The following IFT25 variants were observed in gnomAD, a reference collection of about 807,000 sequenced individuals.
IFT25 encodes the protein intraflagellar transport protein 25 homolog.
chr1:53,917,500 G>C, the IFT25 span, among the ~76,000 whole-genome samples: 18 of 152,238 alleles, frequency 1.2e-4, no homozygotes, highest in East Asian at 2.7e-3. Flanking sequence ...ATAACACCCA[G>C]TCTACAAGAA....
the IFT25 span, among the ~76,000 whole-genome samples, chr1:53,923,325 T>C: frequency 3.3e-4 from 50 of 152,320 alleles, no homozygotes; most frequent in African/African-American, 1.2e-3. Context: ...TTTGTGTTTG[T>C]CTAAAACCAG....
At chr1:53,940,414 G>A in the IFT25 span, among the ~76,000 whole-genome samples, 39 of 152,096 alleles carry the variant, frequency 2.6e-4, no homozygotes, top group Admixed American at 7.9e-4. Context: ...AAAAATACTC[G>A]ATTAATTTGA....
the IFT25 span, among the ~76,000 whole-genome samples, chr1:53,918,425 AC>A: frequency 6.6e-6 from 1 of 152,206 alleles, no homozygotes; most frequent in East Asian, 1.9e-4. Context: ...CAATTACGGC[AC>A]AGGAGGAAAA....
At chr1:53,939,790 T>C in the IFT25 span, 5 of 515,172 alleles carry the variant, frequency 9.7e-6, no homozygotes, top group East Asian at 1.1e-4. Flanking sequence ...TTAGGCATTA[T>C]AAAGAAAAGG....
At chr1:53,922,539 T>C in the IFT25 span, among the ~76,000 whole-genome samples, 1 of 152,158 alleles carries the variant, frequency 6.6e-6, no homozygotes, top group African/African-American at 2.4e-5. Context: ...AATTAGCCAA[T>C]ATATTTTAAA....
the IFT25 span, among the ~76,000 whole-genome samples, chr1:53,924,132 T>TA: frequency 6.6e-6 from 1 of 152,100 alleles, no homozygotes; most frequent in Non-Finnish European, 1.5e-5. Context: ...GCAAAAAAGA[T>TA]AAACTATGAG....
At chr1:53,918,642 G>A in the IFT25 span, among the ~76,000 whole-genome samples, 2 of 152,134 alleles carry the variant, frequency 1.3e-5, no homozygotes, top group Non-Finnish European at 2.9e-5. Context: ...TTGCAGTGTC[G>A]CTTTACTTGT....
At chr1:53,931,647 T>C in the IFT25 span, among the ~76,000 whole-genome samples, 3 of 152,244 alleles carry the variant, frequency 2.0e-5, no homozygotes, top group African/African-American at 7.2e-5. Context: ...TTGTCAAATG[T>C]ATTAGCTTAA....
chr1:53,923,716 G>A, the IFT25 span: 1 of 511,272 alleles, frequency 2.0e-6, no homozygotes, highest in South Asian at 3.2e-5. Context: ...TCTATGAAAG[G>A]TAAGAACCTA....
At chr1:53,939,938 G>T in the IFT25 span, 1 of 1,049,500 alleles carries the variant, frequency 9.5e-7, no homozygotes, top group Non-Finnish European at 1.5e-6. Flanking sequence ...GTACTCAAGG[G>T]ATTCACCGAT....
At chr1:53,938,865 G>A in the IFT25 span, among the ~76,000 whole-genome samples, 3 of 151,954 alleles carry the variant, frequency 2.0e-5, no homozygotes, top group Non-Finnish European at 2.9e-5. Flanking sequence ...ACCTGAGGTC[G>A]GGAGTTCGAA....
the IFT25 span, among the ~76,000 whole-genome samples, chr1:53,940,346 A>G: frequency 3.3e-5 from 5 of 152,356 alleles, no homozygotes; most frequent in East Asian, 9.6e-4. Flanking sequence ...AAACAAAAAA[A>G]CAAAAACACA....
At chr1:53,924,460 T>C in the IFT25 span, among the ~76,000 whole-genome samples, 1 of 152,238 alleles carries the variant, frequency 6.6e-6, no homozygotes, top group African/African-American at 2.4e-5. Context: ...TATGTAATTT[T>C]AGAGCAGATT....
the IFT25 span, among the ~76,000 whole-genome samples, chr1:53,925,155 C>G: frequency 6.6e-5 from 10 of 152,106 alleles, no homozygotes; most frequent in Non-Finnish European, 1.5e-4. Context: ...CTTTTTAAAA[C>G]CGAAATCCCC....
chr1:53,922,166 C>T, the IFT25 span, among the ~76,000 whole-genome samples: 2 of 152,020 alleles, frequency 1.3e-5, no homozygotes, highest in Non-Finnish European at 2.9e-5. Flanking sequence ...AGGCTGAGGC[C>T]GACAGATCAC....
At chr1:53,925,259 T>A in the IFT25 span, among the ~76,000 whole-genome samples, 2 of 152,312 alleles carry the variant, frequency 1.3e-5, no homozygotes, top group Non-Finnish European at 2.9e-5. Flanking sequence ...AAAGGTTATT[T>A]ACTCCTGAAA....
the IFT25 span, among the ~76,000 whole-genome samples, chr1:53,916,005 T>C: frequency 6.6e-6 from 1 of 151,820 alleles, no homozygotes; most frequent in Admixed American, 6.6e-5. Context: ...GGCAACATGG[T>C]GAAACCACAT....
chr1:53,929,854 C>T, the IFT25 span: 9 of 981,690 alleles, frequency 9.2e-6, no homozygotes, highest in Non-Finnish European at 1.2e-5. Context: ...ACCTCATAAT[C>T]CCCATCCTTT....
chr1:53,944,950 TG>T, the IFT25 span, among the ~76,000 whole-genome samples: 1 of 152,194 alleles, frequency 6.6e-6, no homozygotes, highest in Non-Finnish European at 1.5e-5. Flanking sequence ...CCCTTGGTTC[TG>T]GTGCTACAGC....
Sources: allele counts gnomAD v4.1 joint callset (sites outside exome capture counted in the v4.1 genomes callset), GRCh38; gene constraint gnomAD v4.1.1; transcripts MANE v1.5; gene names NCBI Gene and HGNC (gene_info 2026-07-23, HGNC 2026-07-21).